CYP2E1: variants seen among roughly 807,000 people sequenced by gnomAD.
CYP2E1 encodes cytochrome P450 family 2 subfamily E member 1.
CYP2E1 carries 31 observed loss-of-function variants against 42.9 expected under a neutral mutation model. That is an observed-to-expected ratio of 0.72 (90% CI 0.54 to 0.98). The LOEUF (loss-of-function observed/expected upper bound fraction) is 0.98, where lower values mean the gene tolerates loss of function less well. Ranked by LOEUF, CYP2E1 falls within the 50% of genes least tolerant of loss-of-function variation. CYP2E1 has a pLI of 0.00. For synonymous variants in CYP2E1, 244 were observed against 248.9 expected, an observed-to-expected ratio of 0.98 and a Z score of 0.19; for missense variants, 565 against 633.2, an observed-to-expected ratio of 0.89 and a Z score of 1.16.
chr10:133,531,115 T>G (rs989013802), intron 2 of CYP2E1, among the ~76,000 whole-genome samples: 1 of 152,088 alleles, frequency 6.6e-6, no homozygotes, highest in Non-Finnish European at 1.5e-5. Context: ...AAACTTGCTG[T>G]GGAGTCGGAA....
At chr10:133,527,835 G>C (rs1216980106) in intron 1 of CYP2E1, among the ~76,000 whole-genome samples, 1 of 152,220 alleles carries the variant, frequency 6.6e-6, no homozygotes, top group Non-Finnish European at 1.5e-5. Context: ...AGGCCGGGCT[G>C]CTGCGACGCC....
rs1170650047 is a variant in CYP2E1 at position 133,538,658 on chromosome 10, C to G, written c.1298-122C>G. On this transcript the variant is annotated intron_variant, in intron 8 of 8. Coordinates refer to ENST00000252945, the MANE Select transcript of CYP2E1 (RefSeq NM_000773.4). The stretch of plus-strand genomic sequence containing the variant: ...TTTTAATAGGCAGAGAAGGGTGAGT[C>G]CTGCCTTGTGATGGCCGTTTGCCCA... 4 of 820,794 alleles carry G rather than the reference C, an allele frequency of 4.9e-6. No homozygotes were observed. The African/African-American group carries it at 5.0e-5, about 10-fold the overall frequency. 50.8% of individuals were successfully genotyped at this position (820,794 alleles called of 1,614,324 possible).
rs1197230343 is a variant in CYP2E1, at chr10:133,528,513, G to A, written c.210G>A (p.Leu70=). Residue 70 remains leucine (L), a synonymous_variant, in exon 2 of 9, where the codon CTG becomes CTA. Coordinates refer to ENST00000252945, the MANE Select transcript of CYP2E1 (RefSeq NM_000773.4). The part of the protein sequence containing the change: ...LAQRFGPVFT[L]YVGSQRMVVM... ...AGCGCTTCGGGCCGGTGTTCACGCTGTACGTGGGCTCGCAGCGCATGGTGG... is the reference window on the plus strand; with the variant it reads ...AGCGCTTCGGGCCGGTGTTCACGCTATACGTGGGCTCGCAGCGCATGGTGG... 1 of 1,613,318 alleles carries A rather than the reference G, an allele frequency of 6.2e-7. No individual in the cohort carries two copies. The highest frequency in any genetic ancestry group is 1.3e-5 in the African/African-American group (1 of 74,948).
At chr10:133,532,324 A>C in intron 4 of CYP2E1, 40 bp downstream of exon 4, 1 of 1,576,264 alleles carries the variant, frequency 6.3e-7, no homozygotes, top group Non-Finnish European at 8.7e-7. Context: ...TCAACTGTAG[A>C]GTTTACGTTA....
chr10:133,536,725 A>G (rs1174636967), intron 6 of CYP2E1, among the ~76,000 whole-genome samples: 1 of 81,028 alleles, frequency 1.2e-5, no homozygotes, highest in African/African-American at 4.0e-5. Flanking sequence ...GGATGGGTGG[A>G]TGGTTGGATG....
chr10:133,532,059 G>T, intron 3 of CYP2E1, 65 bp from the exon 4 acceptor site: 3 of 1,477,076 alleles, frequency 2.0e-6, no homozygotes, highest in South Asian at 1.2e-5. Context: ...CTCAGTGGGT[G>T]ACTGAGCAGG....
chr10:133,539,116 T>A lies in CYP2E1; in HGVS notation c.*152T>A. The A allele has an allele frequency of 1.8e-6, 1 of 563,974 alleles. No homozygotes were observed. Among genetic ancestry groups the A allele is most frequent in the Non-Finnish European group, 3.0e-6 (1 of 338,544 alleles). 34.9% of individuals were successfully genotyped at this position (563,974 alleles called of 1,614,324 possible). A position where few individuals can be genotyped will look rare whatever the true frequency, so the allele number is the denominator to read the frequency against. The stretch of plus-strand genomic sequence containing the variant: ...TAAATAAATCATCACATGATTATTT[T>A]AACTATATGTTAAGTCATGGAATAT... On this transcript the variant is annotated 3_prime_UTR_variant, in exon 9 of 9. Coordinates refer to ENST00000252945, the MANE Select transcript of CYP2E1 (RefSeq NM_000773.4).
Position 133,539,028 on chromosome 10 carries a change from A to G in CYP2E1, c.*64A>G. On this transcript the variant is annotated 3_prime_UTR_variant, in exon 9 of 9. Coordinates refer to ENST00000252945, the MANE Select transcript of CYP2E1 (RefSeq NM_000773.4). ...AGTTTTCAAATTGTTTGAGGTCAGG[A>G]TTTCTCAAACTGATTCCTTTCTTTG... is the stretch of plus-strand genomic sequence containing the variant. The G allele has an allele frequency of 7.3e-7, 1 of 1,365,426 alleles. No homozygotes were observed. The allele number at this position is 1,365,426 out of a possible 1,614,324, so 84.6% of individuals were successfully genotyped here. A position where few individuals can be genotyped will look rare whatever the true frequency, so the allele number is the denominator to read the frequency against.
chr10:133,537,550 A>G (rs1465528735), intron 7 of CYP2E1: 4 of 605,842 alleles, frequency 6.6e-6, no homozygotes, highest in Non-Finnish European at 1.1e-5. Context: ...TAATCCTGTG[A>G]GAAGATTAGG....
intron 2 of CYP2E1, among the ~76,000 whole-genome samples, chr10:133,528,881 G>A (rs777184026): frequency 4.6e-5 from 7 of 152,260 alleles, no homozygotes; most frequent in Non-Finnish European, 8.8e-5. Flanking sequence ...TATGGGGATG[G>A]GCGGGGCTGC....
rs1184993512 is a variant in CYP2E1 at position 133,538,945 on chromosome 10, G to A, written c.1463G>A (p.Cys488Tyr). ...FGCIPPRYKL[C>Y]VIPRS is the part of the protein sequence containing the mutation. ...TGTATCCCACCACGTTACAAACTCTGTGTCATTCCCCGCTCATGAGTGTGT... is the reference window on the plus strand; with the variant it reads ...TGTATCCCACCACGTTACAAACTCTATGTCATTCCCCGCTCATGAGTGTGT... The change falls in exon 9 of 9, where the codon TGT (cysteine) becomes TAT (tyrosine). Residue 488 changes from cysteine to tyrosine, a missense_variant. Coordinates refer to ENST00000252945, the MANE Select transcript of CYP2E1 (RefSeq NM_000773.4). 6.2e-7 allele frequency: 1 copy of A among 1,612,766 alleles called. No homozygotes were observed. Among genetic ancestry groups the A allele is most frequent in the African/African-American group, 1.3e-5 (1 of 74,856 alleles).
rs56307258 is a variant in CYP2E1 at position 133,539,009 on chromosome 10, C to T, written c.*45C>T. 8 of 1,500,704 alleles carry T rather than the reference C, an allele frequency of 5.3e-6. No individual in the cohort carries two copies. Among genetic ancestry groups the T allele is most frequent in the Middle Eastern group, 3.5e-4 (2 of 5,686 alleles). 93.0% of individuals were successfully genotyped at this position (1,500,704 alleles called of 1,614,324 possible). A position where few individuals can be genotyped will look rare whatever the true frequency, so the allele number is the denominator to read the frequency against. ...AACCCCCCGCTTTCAAACAAGTTTT[C>T]AAATTGTTTGAGGTCAGGATTTCTC... On this transcript the variant is annotated 3_prime_UTR_variant, in exon 9 of 9. Transcript: ENST00000252945.
Position 133,527,527 on chromosome 10 carries a change from C to G in CYP2E1, c.132C>G (p.Asn44Lys), listed in dbSNP as rs527949682. The stretch of plus-strand genomic sequence containing the variant: ...CTTTCCCGCTTCCCATCATCGGGAA[C>G]CTCTTCCAGTTGGAATTGAAGAATA... ...PGPFPLPIIG[N>K]LFQLELKNIP... Residue 44 changes from asparagine (N) to lysine (K), a missense_variant, in exon 1 of 9, where the codon AAC becomes AAG. Physicochemically the swap from Asn to Lys is moderately conservative, Grantham distance 94. Transcript: ENST00000252945. The G allele has an allele frequency of 6.2e-7, 1 of 1,613,444 alleles. No individual in the cohort carries two copies.
chr10:133,528,792 G>GC (rs1338064856), intron 2 of CYP2E1, 152 bp downstream of exon 2: 1 of 1,077,500 alleles, frequency 9.3e-7, no homozygotes, highest in Non-Finnish European at 1.3e-6. Context: ...TAGGGCGATG[G>GC]CCCCCGCGCG....
In CYP2E1 at chr10:133,533,689, G is replaced by A. The variant is rs1851364926; in HGVS notation, c.826-67G>A. 6 of 1,566,758 alleles carry A rather than the reference G, an allele frequency of 3.8e-6. No homozygotes were observed. The Admixed American group carries it at 1.0e-4, about 27-fold the overall frequency. On this transcript the variant is annotated intron_variant, in intron 5 of 8. Coordinates refer to ENST00000252945, the MANE Select transcript of CYP2E1 (RefSeq NM_000773.4). The stretch of plus-strand genomic sequence containing the variant: ...TCCTGTGTCCCTGTGGAGCTGGGAG[G>A]TGGCTGGTTCTGTGCTGAAAGGAGA...
intron 6 of CYP2E1, among the ~76,000 whole-genome samples, chr10:133,535,742 A>G (rs1851387546): frequency 6.6e-6 from 1 of 152,240 alleles, no homozygotes; most frequent in Non-Finnish European, 1.5e-5. Context: ...TCTTAAAAAG[A>G]AAATGTGTTA....
chr10:133,532,360 A>G, intron 4 of CYP2E1, 76 bp downstream of exon 4: 2 of 1,434,568 alleles, frequency 1.4e-6, no homozygotes, highest in East Asian at 2.3e-5. Flanking sequence ...TTTGGGTTAT[A>G]TGTGATAGAC....
At chr10:133,537,919 C>G in intron 8 of CYP2E1, 27 bp downstream of exon 8, 3 of 1,606,672 alleles carry the variant, frequency 1.9e-6, no homozygotes, top group Non-Finnish European at 1.7e-6. Context: ...GCAGTACCTT[C>G]CCTTGAGGAG....
At chr10:133,533,730 C>CCTCCGGTCTGT in intron 5 of CYP2E1, 26 bp from the exon 6 acceptor site, 1 of 1,612,204 alleles carries the variant, frequency 6.2e-7, no homozygotes, top group South Asian at 1.1e-5. Context: ...AGCCCCTTCT[C>CCTCCGGTCTGT]CTCCGGTCTG....
Sources: gnomAD v4.1 joint callset for allele counts (sites outside exome capture counted in the v4.1 genomes callset) on GRCh38, gnomAD v4.1.1 for gene constraint, MANE v1.5 for transcripts, NCBI Gene and HGNC (gene_info 2026-07-23, HGNC 2026-07-21) for gene names.